The following TFEC variants were observed in gnomAD, a reference collection of about 807,000 sequenced individuals.
TFEC encodes the protein class E basic helix-loop-helix protein 34.
Under a neutral mutation model 41.6 loss-of-function variants are expected in TFEC, and 31 were observed. The ratio of observed to expected loss-of-function variants is 0.74; its 90% CI spans 0.56 to 1.01. The LOEUF (loss-of-function observed/expected upper bound fraction) is 1.01, where lower values mean the gene tolerates loss of function less well. TFEC is among the 50% of genes least tolerant of loss of function. TFEC has a pLI of 0.00. For missense variants in TFEC, 402 were observed against 404.1 expected (o/e 0.99, Z 0.04); for synonymous variants, 143 against 140.6 (o/e 1.02, Z -0.12).
rs554396851 is a variant in TFEC at position 116,113,789 on chromosome 7, A to G, written c.-68-1751T>C. On this transcript the variant is annotated intron_variant, in intron 1 of 8. Coordinates refer to the TFEC transcript ENST00000484212. ...TGATTAATAATTCAACATAAACTTA[A>G]TCTTTCCCAAAATGTTCACTTATGG... Among the ~76,000 whole-genome samples, 3 of 152,142 alleles carry G rather than the reference A, an allele frequency of 2.0e-5. No homozygotes were observed. The East Asian group carries it at 5.8e-4, about 29-fold the overall frequency.
chr7:116,109,781 T>C (rs1487978961), intron 3 of TFEC, among the ~76,000 whole-genome samples: 6 of 152,180 alleles, frequency 3.9e-5, no homozygotes, highest in Non-Finnish European at 7.3e-5. Context: ...CACACGTATG[T>C]TTATTGCGGC....
intron 3 of TFEC, among the ~76,000 whole-genome samples, chr7:115,973,624 A>T (rs1793235433): frequency 6.6e-6 from 1 of 152,042 alleles, no homozygotes; most frequent in African/African-American, 2.4e-5. Context: ...AGGAATTTGT[A>T]CTGATTTCAA....
intron 3 of TFEC, among the ~76,000 whole-genome samples, chr7:115,958,835 G>T (rs917091179): frequency 3.3e-5 from 5 of 151,662 alleles, no homozygotes; most frequent in Non-Finnish European, 7.4e-5. Context: ...TCATGTAAAT[G>T]GCTCATCACT....
chr7:116,108,623 C>A (rs1797775063), intron 3 of TFEC, among the ~76,000 whole-genome samples: 1 of 152,082 alleles, frequency 6.6e-6, no homozygotes, highest in African/African-American at 2.4e-5. Flanking sequence ...GGGTTCCAAT[C>A]TTGCTTCTGC....
chr7:115,955,940 CAA>C (rs1011083066), intron 4 of TFEC, among the ~76,000 whole-genome samples: 20 of 151,738 alleles, frequency 1.3e-4, no homozygotes, highest in African/African-American at 4.6e-4. Flanking sequence ...AGCTCCAAAC[CAA>C]AAGTTTATTG....
intron 3 of TFEC, among the ~76,000 whole-genome samples, chr7:116,110,004 C>T (rs1281165444): frequency 6.6e-6 from 1 of 152,110 alleles, no homozygotes. Context: ...CATGTTCTCA[C>T]TCATAGGTGG....
chr7:115,944,459 C>G (rs907977668), intron 6 of TFEC, among the ~76,000 whole-genome samples: 2 of 151,546 alleles, frequency 1.3e-5, no homozygotes, highest in African/African-American at 4.8e-5. Context: ...TTTTCTCAAC[C>G]TGTACGTCTC....
intron 3 of TFEC, among the ~76,000 whole-genome samples, chr7:116,089,291 G>C (rs980794923): frequency 7.2e-5 from 11 of 152,142 alleles, no homozygotes; most frequent in African/African-American, 2.2e-4. Flanking sequence ...ATTATTTAAG[G>C]AACACAAGGA....
chr7:116,111,104 T>A (rs1291491998), intron 2 of TFEC, among the ~76,000 whole-genome samples: 6 of 151,354 alleles, frequency 4.0e-5, no homozygotes, highest in African/African-American at 1.5e-4. Context: ...ATTCTTAATG[T>A]TCAAGTTAAA....
chr7:116,092,333 A>G (rs1797347727), intron 3 of TFEC, among the ~76,000 whole-genome samples: 1 of 152,214 alleles, frequency 6.6e-6, no homozygotes. Flanking sequence ...TAACTGACAA[A>G]GCCTGAAGAC....
chr7:115,968,990 C>A (rs1225143058), intron 3 of TFEC, among the ~76,000 whole-genome samples: 1 of 151,724 alleles, frequency 6.6e-6, no homozygotes, highest in Admixed American at 6.6e-5. Flanking sequence ...AGTAAGTAAC[C>A]AATGCATGGT....
chr7:115,994,527 C>A (rs1354385213), intron 1 of TFEC, among the ~76,000 whole-genome samples: 1 of 152,022 alleles, frequency 6.6e-6, no homozygotes, highest in African/African-American at 2.4e-5. Context: ...TCAAACAACC[C>A]CATCAAAAAG....
intron 1 of TFEC, among the ~76,000 whole-genome samples, chr7:116,144,479 T>C (rs1197797551): frequency 6.6e-6 from 1 of 152,168 alleles, no homozygotes; most frequent in African/African-American, 2.4e-5. Flanking sequence ...GTCTAGATTT[T>C]GGTATGGAGG....
chr7:116,114,915 G>A (rs1797945598), intron 1 of TFEC, among the ~76,000 whole-genome samples: 1 of 151,738 alleles, frequency 6.6e-6, no homozygotes, highest in Non-Finnish European at 1.5e-5. Context: ...CCCCAGTAAT[G>A]GGGAGAGAGG....
At chr7:116,012,531 C>T (rs1459132444) in intron 1 of TFEC, among the ~76,000 whole-genome samples, 1 of 152,036 alleles carries the variant, frequency 6.6e-6, no homozygotes, top group Non-Finnish European at 1.5e-5. Context: ...GTCATCAATG[C>T]ACTTTTTAAA....
At chr7:116,040,172 AAAAACAAAGG>A (rs1355612763) in intron 3 of TFEC, among the ~76,000 whole-genome samples, 1 of 152,150 alleles carries the variant, frequency 6.6e-6, no homozygotes, top group Non-Finnish European at 1.5e-5. Flanking sequence ...TAAACATAGG[AAAAACAAAGG>A]AAAATAAAAG....
intron 1 of TFEC, among the ~76,000 whole-genome samples, chr7:116,113,683 G>A (rs1004732958): frequency 6.6e-5 from 10 of 151,964 alleles, no homozygotes; most frequent in Non-Finnish European, 1.2e-4. Context: ...CTTATAATGC[G>A]TTCACTGATA....
At chr7:116,086,123 T>C (rs1372233656) in intron 3 of TFEC, among the ~76,000 whole-genome samples, 2 of 151,930 alleles carry the variant, frequency 1.3e-5, no homozygotes, top group Non-Finnish European at 2.9e-5. Context: ...TAATGAAAAT[T>C]AAAGGTAAAT....
intron 1 of TFEC, among the ~76,000 whole-genome samples, chr7:116,022,076 G>A (rs547533625): frequency 2.4e-4 from 36 of 152,186 alleles, no homozygotes; most frequent in Admixed American, 1.9e-3. Context: ...GGAAGTACCC[G>A]CGTGCCCACC....
Sources: gnomAD v4.1 joint callset for allele counts (sites outside exome capture counted in the v4.1 genomes callset) on GRCh38, gnomAD v4.1.1 for gene constraint, MANE v1.5 for transcripts, NCBI Gene and HGNC (gene_info 2026-07-23, HGNC 2026-07-21) for gene names.